The following ADARB2 variants were observed in gnomAD, a reference collection of about 807,000 sequenced individuals.
ADARB2 encodes adenosine deaminase RNA specific B2 (inactive).
ADARB2 carries 25 observed loss-of-function variants against 62.2 expected under a neutral mutation model. That is an observed-to-expected ratio of 0.40 (90% CI 0.29 to 0.56). ADARB2 has a LOEUF of 0.56. Among genes scored for constraint, ADARB2 ranks in the 20% least tolerant of loss-of-function variants. ADARB2 has a pLI of 0.43. For missense variants in ADARB2, 1,071 were observed against 1,077.4 expected (o/e 0.99, Z 0.08); for synonymous variants, 572 against 500.8 (o/e 1.14, Z -1.90).
In ADARB2 at chr10:1,477,278, C is replaced by T. The variant is rs1015449514; in HGVS notation, c.101-98118G>A. ...TAACGTTGAGGAAGGCGCTACAGGTCGGGGAGAACAGTTGTTCTGAGAGAC... is the reference window on the plus strand; with the variant it reads ...TAACGTTGAGGAAGGCGCTACAGGTTGGGGAGAACAGTTGTTCTGAGAGAC... On this transcript the variant is annotated intron_variant, in intron 1 of 9. Transcript: ENST00000381312. The surrounding 1 kb of genome is among the most constrained non-coding windows in gnomAD (Gnocchi z 4.5). Among the ~76,000 whole-genome samples, 1 of 152,172 alleles carries T rather than the reference C, an allele frequency of 6.6e-6. No homozygotes were observed. Among genetic ancestry groups the T allele is most frequent in the South Asian group, 2.1e-4 (1 of 4,824 alleles).
intron 3 of ADARB2, among the ~76,000 whole-genome samples, chr10:1,306,783 C>G (rs1831634168): frequency 6.6e-6 from 1 of 150,450 alleles, no homozygotes; most frequent in Non-Finnish European, 1.5e-5. Flanking sequence ...CGCCGCATAT[C>G]TACAACTATC....
At chr10:1,695,016 G>A (rs1834721457) in intron 1 of ADARB2, among the ~76,000 whole-genome samples, 1 of 152,206 alleles carries the variant, frequency 6.6e-6, no homozygotes, top group Non-Finnish European at 1.5e-5. Flanking sequence ...GCAGCGAGAT[G>A]AACAGGGATG....
At chr10:1,720,526 C>A (rs1484790880) in intron 1 of ADARB2, among the ~76,000 whole-genome samples, 3 of 152,100 alleles carry the variant, frequency 2.0e-5, no homozygotes, top group African/African-American at 7.2e-5. Context: ...AGTTGAGTAT[C>A]CCCTGAATCT....
chr10:1,415,854 C>T lies in ADARB2; in HGVS notation c.101-36694G>A, dbSNP rs543133839. Among the ~76,000 whole-genome samples the T allele has an allele frequency of 8.5e-5, 13 of 152,304 alleles. No homozygotes were observed. In the South Asian group the frequency reaches 2.7e-3, roughly 32 times the overall value. ...CTCTTCCATGCAGCCCTATTTATTG[C>T]CCCTAAAGCAGTAGTGTCTCTCTTC... On this transcript the variant is annotated intron_variant, in intron 1 of 9. Coordinates refer to ENST00000381312, the MANE Select transcript of ADARB2 (RefSeq NM_018702.4).
intron 1 of ADARB2, among the ~76,000 whole-genome samples, chr10:1,661,631 C>A (rs977949355): frequency 6.6e-6 from 1 of 152,188 alleles, no homozygotes; most frequent in Non-Finnish European, 1.5e-5. Context: ...AGTACAGAAC[C>A]AGCCCAGAGC....
chr10:1,501,025 C>G (rs573557711), intron 1 of ADARB2, among the ~76,000 whole-genome samples: 1 of 152,304 alleles, frequency 6.6e-6, no homozygotes, highest in East Asian at 1.9e-4. Flanking sequence ...CAGACATGCA[C>G]CACCACGCCC....
intron 1 of ADARB2, among the ~76,000 whole-genome samples, chr10:1,497,469 A>C (rs898139763): frequency 6.6e-6 from 1 of 152,386 alleles, no homozygotes; most frequent in African/African-American, 2.4e-5. Context: ...TTTTAGAGAA[A>C]GAGCTTTTTG....
chr10:1,303,716 C>A (rs1471091174), intron 3 of ADARB2, among the ~76,000 whole-genome samples: 8 of 152,168 alleles, frequency 5.3e-5, no homozygotes, highest in Non-Finnish European at 1.2e-4. Context: ...AGAGTGGGGA[C>A]CAATATTCAA....
intron 1 of ADARB2, among the ~76,000 whole-genome samples, chr10:1,673,055 A>G (rs1272132387): frequency 6.6e-6 from 1 of 152,114 alleles, no homozygotes; most frequent in African/African-American, 2.4e-5. Context: ...TCAGACACAC[A>G]GTTGTCGGCT....
intron 1 of ADARB2, among the ~76,000 whole-genome samples, chr10:1,523,900 CT>C (rs1832105857): frequency 6.6e-6 from 1 of 152,164 alleles, no homozygotes; most frequent in African/African-American, 2.4e-5. Flanking sequence ...TAGCTTGTTT[CT>C]TTCTCTAATC....
intron 1 of ADARB2, among the ~76,000 whole-genome samples, chr10:1,466,076 C>G (rs1472856069): frequency 6.6e-6 from 1 of 152,236 alleles, no homozygotes; most frequent in African/African-American, 2.4e-5. Flanking sequence ...AGCAGCTAAA[C>G]ACGACCCAGG....
intron 1 of ADARB2, among the ~76,000 whole-genome samples, chr10:1,523,529 G>A (rs544493768): frequency 1.8e-4 from 27 of 152,234 alleles, no homozygotes; most frequent in South Asian, 4.2e-4. Context: ...ATAGCACCTC[G>A]GTCTCATTCA....
intron 1 of ADARB2, among the ~76,000 whole-genome samples, chr10:1,644,764 T>C (rs116078775): frequency 4.2e-4 from 64 of 152,372 alleles, no homozygotes; most frequent in African/African-American, 1.5e-3. Flanking sequence ...ATGACTTTTC[T>C]GACCGAATGA....
intron 1 of ADARB2, among the ~76,000 whole-genome samples, chr10:1,682,528 A>T (rs941341572): frequency 6.6e-6 from 1 of 152,226 alleles, no homozygotes; most frequent in African/African-American, 2.4e-5. Flanking sequence ...TCTTTGCTTC[A>T]TCCCCTCGGT....
Position 1,317,756 on chromosome 10 carries a change from G to GA in ADARB2, c.1077+45271_1077+45272insT, listed in dbSNP as rs960280199. On this transcript the variant is annotated intron_variant, in intron 3 of 9. Coordinates refer to ENST00000381312, the MANE Select transcript of ADARB2 (RefSeq NM_018702.4). Reference sequence around the variant, plus strand: ...GGGCACAGGCAGGGGTAGGCCTGGGGGGGGGTGGGTCAGTTTGTGTGGCTC... The same window carrying GA: ...GGGCACAGGCAGGGGTAGGCCTGGGGAGGGGGTGGGTCAGTTTGTGTGGCTC... Among the ~76,000 whole-genome samples, 203 of 140,900 alleles carry GA rather than the reference G, an allele frequency of 1.4e-3. 2 individuals carry two copies. The highest frequency in any genetic ancestry group is 2.8e-3 in the Non-Finnish European group (172 of 61,362). 92.4% of individuals were successfully genotyped at this position (140,900 alleles called of 152,430 possible). A position where few individuals can be genotyped will look rare whatever the true frequency, so the allele number is the denominator to read the frequency against.
rs558350580 is a variant in ADARB2 at position 1,268,101 on chromosome 10, C to G, written c.1192+2854G>C. ...AGAAATAAAGGTTTATCTATAATTG[C>G]ACATTACAAACATAATAATGGAAAA... is the stretch of plus-strand genomic sequence containing the variant. On this transcript the variant is annotated intron_variant, in intron 4 of 9. Coordinates refer to ENST00000381312, the MANE Select transcript of ADARB2 (RefSeq NM_018702.4). Among the ~76,000 whole-genome samples the G allele has an allele frequency of 2.0e-5, 3 of 152,198 alleles. No individual in the cohort carries two copies. In the South Asian group the frequency reaches 6.2e-4, roughly 32 times the overall value.
intron 1 of ADARB2, among the ~76,000 whole-genome samples, chr10:1,658,933 G>A (rs1834207263): frequency 6.6e-6 from 1 of 152,178 alleles, no homozygotes; most frequent in African/African-American, 2.4e-5. Context: ...GGGAGAAAGG[G>A]TTCTTCTGAG....
At chr10:1,694,172 A>G (rs1834708299) in intron 1 of ADARB2, among the ~76,000 whole-genome samples, 1 of 152,226 alleles carries the variant, frequency 6.6e-6, no homozygotes, top group East Asian at 1.9e-4. Flanking sequence ...TTAATTCCAA[A>G]GAGTATTTCT....
intron 4 of ADARB2, among the ~76,000 whole-genome samples, chr10:1,246,930 G>C (rs1830990978): frequency 6.6e-6 from 1 of 151,916 alleles, no homozygotes; most frequent in Admixed American, 6.6e-5. Flanking sequence ...GGGCAGTATG[G>C]CCATTTTCAC....
Sources: allele counts gnomAD v4.1 joint callset (sites outside exome capture counted in the v4.1 genomes callset), GRCh38; gene constraint gnomAD v4.1.1; non-coding constraint Gnocchi (gnomAD v3.1); transcripts MANE v1.5; gene names NCBI Gene and HGNC (gene_info 2026-07-23, HGNC 2026-07-21).